Variants in RAC1 observed in about 807,000 individuals in gnomAD.
RAC1 encodes ras-related C3 botulinum toxin substrate 1.
RAC1 carries 2 observed loss-of-function variants against 25.2 expected under a neutral mutation model. The observed-to-expected ratio is 0.08, with a 90% confidence interval of 0.03 to 0.25. The LOEUF is 0.25. Ranked by LOEUF, RAC1 falls within the 10% of genes least tolerant of loss-of-function variation. The probability of loss-of-function intolerance (pLI) is 1.00; values close to 1 mark genes in which losing one functional copy is unlikely to be tolerated. For missense variants in RAC1, 50 were observed against 235.7 expected (o/e 0.21, Z 5.16); for synonymous variants, 88 against 94.0 (o/e 0.94, Z 0.37).
At chr7:6,380,199 C>T (rs1427336240) in intron 1 of RAC1, among the ~76,000 whole-genome samples, 1 of 152,044 alleles carries the variant, frequency 6.6e-6, no homozygotes, top group East Asian at 1.9e-4. Flanking sequence ...TTAAGCTTTT[C>T]AGCTGTTTTG....
intron 3 of RAC1, chr7:6,399,912 C>T: frequency 1.7e-6 from 1 of 581,334 alleles, no homozygotes; most frequent in Non-Finnish European, 3.1e-6. Context: ...CCTTCATGCT[C>T]CCCATTTTCA....
chr7:6,384,102 A>G (rs1782855601), intron 1 of RAC1, among the ~76,000 whole-genome samples: 1 of 151,948 alleles, frequency 6.6e-6, no homozygotes, highest in South Asian at 2.1e-4. Context: ...GCCAACCTTT[A>G]TCATTTTTAA....
At chr7:6,401,617 TG>T (rs1377611514) in intron 4 of RAC1, 2 of 294,504 alleles carry the variant, frequency 6.8e-6, no homozygotes, top group Non-Finnish European at 1.3e-5. Flanking sequence ...CCCCTGCGGT[TG>T]TAGAGCCCGT....
chr7:6,392,086 A>G, intron 3 of RAC1, 45 bp downstream of exon 3: 1 of 1,610,744 alleles, frequency 6.2e-7, no homozygotes, highest in Non-Finnish European at 8.5e-7. Context: ...AGAGTATATA[A>G]TTCTCGAGCG....
chr7:6,397,726 G>T (rs1445698105), intron 3 of RAC1, among the ~76,000 whole-genome samples: 1 of 152,198 alleles, frequency 6.6e-6, no homozygotes, highest in South Asian at 2.1e-4. Context: ...GGTGGCTCAT[G>T]CCTGTAATCC....
chr7:6,386,085 C>G (rs1210650537), intron 1 of RAC1, among the ~76,000 whole-genome samples: 1 of 152,208 alleles, frequency 6.6e-6, no homozygotes, highest in Non-Finnish European at 1.5e-5. Context: ...TGGCGGCACA[C>G]TGGTAATATT....
chr7:6,392,605 CAACT>C, intron 3 of RAC1, among the ~76,000 whole-genome samples: 1 of 152,292 alleles, frequency 6.6e-6, no homozygotes, highest in Middle Eastern at 3.4e-3. Context: ...CTGTATCAGA[CAACT>C]AAGTGATTTA....
At chr7:6,392,851 A>G (rs1266126204) in intron 3 of RAC1, among the ~76,000 whole-genome samples, 1 of 152,240 alleles carries the variant, frequency 6.6e-6, no homozygotes, top group Non-Finnish European at 1.5e-5. Flanking sequence ...GACTTCAGGC[A>G]GGCTTCATCC....
chr7:6,386,001 C>G (rs1468450825), intron 1 of RAC1, among the ~76,000 whole-genome samples: 2 of 152,092 alleles, frequency 1.3e-5, no homozygotes, highest in African/African-American at 4.8e-5. Flanking sequence ...ATGTGGTGAC[C>G]TTAGTTATTA....
chr7:6,376,993 T>TA (rs1782622703), intron 1 of RAC1, among the ~76,000 whole-genome samples: 1 of 151,934 alleles, frequency 6.6e-6, no homozygotes, highest in South Asian at 2.1e-4. Flanking sequence ...TTACATGGGG[T>TA]AACCCTAAGC....
At chr7:6,378,412 G>C (rs912814138) in intron 1 of RAC1, among the ~76,000 whole-genome samples, 2 of 151,918 alleles carry the variant, frequency 1.3e-5, no homozygotes, top group African/African-American at 4.8e-5. Context: ...CGGGCGTGGT[G>C]GTGGGCGCCT....
chr7:6,395,774 C>T (rs1025767086), intron 3 of RAC1, among the ~76,000 whole-genome samples: 4 of 152,216 alleles, frequency 2.6e-5, no homozygotes, highest in Non-Finnish European at 4.4e-5. Context: ...TACAGGATTA[C>T]AGGCGTGAGC....
chr7:6,392,747 T>C (rs1783124637), intron 3 of RAC1, among the ~76,000 whole-genome samples: 1 of 152,192 alleles, frequency 6.6e-6, no homozygotes, highest in African/African-American at 2.4e-5. Flanking sequence ...TGTTACATGT[T>C]TGTTCTTCAT....
At chr7:6,382,116 C>T (rs1782782738) in intron 1 of RAC1, among the ~76,000 whole-genome samples, 1 of 152,112 alleles carries the variant, frequency 6.6e-6, no homozygotes, top group African/African-American at 2.4e-5. Context: ...GCCTCAGCCT[C>T]CTGAGTAGCT....
In RAC1 at chr7:6,402,526, A is replaced by AAGAAAC. The variant is rs1554264365; in HGVS notation, c.*81_*82insGAAACA. The AAGAAAC allele has an allele frequency of 4.3e-6, 3 of 703,540 alleles. No individual in the cohort carries two copies. Among genetic ancestry groups the AAGAAAC allele is most frequent in the African/African-American group, 4.5e-5 (2 of 44,296 alleles). The allele number at this position is 703,540 out of a possible 1,614,324, so 43.6% of individuals were successfully genotyped here. On this transcript the variant is annotated 3_prime_UTR_variant, in exon 6 of 6. Transcript: ENST00000348035. ...TCAAAAAAAAACAAAAAAAAAAAAC[A>AAGAAAC]AAAAAAAAAAACAACGGTGGAGCCT...
At chr7:6,377,901 T>C (rs1380159265) in intron 1 of RAC1, among the ~76,000 whole-genome samples, 1 of 152,074 alleles carries the variant, frequency 6.6e-6, no homozygotes, top group Non-Finnish European at 1.5e-5. Flanking sequence ...GGAAACTGTC[T>C]TTTTTTGTTT....
chr7:6,401,049 C>T (rs978317648), intron 4 of RAC1, among the ~76,000 whole-genome samples: 10 of 151,788 alleles, frequency 6.6e-5, no homozygotes, highest in African/African-American at 1.2e-4. Context: ...CTCCCCCTCC[C>T]GGTTCAAGCA....
intron 1 of RAC1, among the ~76,000 whole-genome samples, chr7:6,375,363 A>G (rs902041180): frequency 6.6e-6 from 1 of 151,958 alleles, no homozygotes; most frequent in Non-Finnish European, 1.5e-5. Context: ...TGCTGGGATT[A>G]CAGGCGTGTG....
At chr7:6,381,432 C>T (rs1052076130) in intron 1 of RAC1, among the ~76,000 whole-genome samples, 4 of 141,696 alleles carry the variant, frequency 2.8e-5, no homozygotes, top group Admixed American at 1.5e-4. Flanking sequence ...CTTGCTCTGT[C>T]GCCAGGCTGG....
Sources: allele counts gnomAD v4.1 joint callset (sites outside exome capture counted in the v4.1 genomes callset), GRCh38; gene constraint gnomAD v4.1.1; transcripts MANE v1.5; gene names NCBI Gene and HGNC (gene_info 2026-07-23, HGNC 2026-07-21).